Variants in GAB2 observed in about 807,000 individuals in gnomAD.
GAB2 encodes GRB2-associated-binding protein 2.
A neutral mutation model predicts 65.5 loss-of-function variants in GAB2; 26 were observed. That is an observed-to-expected ratio of 0.40 (90% CI 0.29 to 0.55). The LOEUF (loss-of-function observed/expected upper bound fraction) is 0.55. GAB2 is among the 20% of genes least tolerant of loss of function. GAB2 has a pLI of 0.53. For missense variants in GAB2, 884 were observed against 875.8 expected (o/e 1.01, Z -0.12); for synonymous variants, 321 against 329.6 (o/e 0.97, Z 0.28).
At chr11:78,383,350 T>A (rs928198821) in intron 1 of GAB2, among the ~76,000 whole-genome samples, 3 of 152,012 alleles carry the variant, frequency 2.0e-5, no homozygotes, top group African/African-American at 4.8e-5. Flanking sequence ...AATACTACCA[T>A]TTCCATGAAA....
intron 9 of GAB2, among the ~76,000 whole-genome samples, chr11:78,219,740 G>A (rs1214776787): frequency 6.6e-6 from 1 of 152,156 alleles, no homozygotes; most frequent in Non-Finnish European, 1.5e-5. Flanking sequence ...TCTCTGTCAG[G>A]TCGCTCATCC....
At chr11:78,305,225 A>G (rs1322124899) in intron 1 of GAB2, among the ~76,000 whole-genome samples, 3 of 152,222 alleles carry the variant, frequency 2.0e-5, no homozygotes, top group Non-Finnish European at 4.4e-5. Context: ...CTAAACTCAT[A>G]CATGGAAGTC....
intron 1 of GAB2, among the ~76,000 whole-genome samples, chr11:78,405,096 T>C (rs1857025192): frequency 2.1e-5 from 3 of 141,584 alleles, no homozygotes; most frequent in Admixed American, 1.4e-4. Context: ...CATGGATTTT[T>C]TTTTTTTTTT....
At chr11:78,357,877 G>A (rs1856380047) in intron 1 of GAB2, among the ~76,000 whole-genome samples, 1 of 152,230 alleles carries the variant, frequency 6.6e-6, no homozygotes, top group Admixed American at 6.5e-5. Context: ...CATTGTGGAA[G>A]ACACTGTGGC....
At chr11:78,230,765 T>A (rs747942528) in intron 3 of GAB2, among the ~76,000 whole-genome samples, 5 of 152,264 alleles carry the variant, frequency 3.3e-5, no homozygotes, top group Non-Finnish European at 5.9e-5. Context: ...GGGAATTTGT[T>A]CTAGCAGCCA....
chr11:78,407,328 G>A (rs527544258), intron 1 of GAB2, among the ~76,000 whole-genome samples: 8 of 151,828 alleles, frequency 5.3e-5, no homozygotes, highest in South Asian at 4.2e-4. Context: ...ATCATTGAAC[G>A]CATCCAGAGA....
intron 2 of GAB2, among the ~76,000 whole-genome samples, chr11:78,263,415 C>T (rs1235231885): frequency 2.0e-5 from 3 of 151,994 alleles, no homozygotes; most frequent in Admixed American, 6.6e-5. Context: ...GGGCAGATGA[C>T]GAGGTCAGGA....
chr11:78,251,155 A>G (rs1468793435), intron 2 of GAB2, among the ~76,000 whole-genome samples: 1 of 152,220 alleles, frequency 6.6e-6, no homozygotes, highest in Non-Finnish European at 1.5e-5. Flanking sequence ...ACAGGAAAAA[A>G]AAAAGCTAAG....
chr11:78,414,180 T>C (rs1238578878), intron 1 of GAB2, among the ~76,000 whole-genome samples: 4 of 151,332 alleles, frequency 2.6e-5, no homozygotes, highest in Non-Finnish European at 5.9e-5. Flanking sequence ...TACAGACAAC[T>C]ACTCCCTCAT....
intron 9 of GAB2, among the ~76,000 whole-genome samples, chr11:78,219,619 C>G (rs1014154066): frequency 6.6e-6 from 1 of 152,170 alleles, no homozygotes; most frequent in Non-Finnish European, 1.5e-5. Context: ...ATCCCTCCTG[C>G]AGGATGTAGC....
chr11:78,384,183 A>C (rs1397011265), intron 1 of GAB2, among the ~76,000 whole-genome samples: 2 of 152,244 alleles, frequency 1.3e-5, no homozygotes, highest in African/African-American at 4.8e-5. Context: ...TGTCACACAC[A>C]GGAGTAAAAC....
rs561033418 is a variant in GAB2, at chr11:78,360,905, G to A, written c.75+56741C>T. On this transcript the variant is annotated intron_variant, in intron 1 of 9. Coordinates refer to ENST00000361507, the MANE Select transcript of GAB2 (RefSeq NM_080491.3). ...CAACAACAAAAAACCCACCATATTT[G>A]TTCTAAATAAGAGAATACAATTGTA... Among the ~76,000 whole-genome samples the A allele has an allele frequency of 6.6e-5, 10 of 152,134 alleles. No individual in the cohort carries two copies. In the East Asian group the frequency reaches 1.7e-3, roughly 26 times the overall value.
At chr11:78,272,274 CAGA>C (rs1319003568) in intron 2 of GAB2, among the ~76,000 whole-genome samples, 1 of 152,078 alleles carries the variant, frequency 6.6e-6, no homozygotes, top group Non-Finnish European at 1.5e-5. Context: ...TTGCGGGGCT[CAGA>C]AGAAGACAGG....
At chr11:78,226,407 T>G in intron 4 of GAB2, 58 bp downstream of exon 4, 92 of 1,346,018 alleles carry the variant, frequency 6.8e-5, no homozygotes, top group Non-Finnish European at 8.3e-5. Context: ...ATCAAACTAT[T>G]GAGAACCCCT....
At chr11:78,253,075 A>C (rs1865501869) in intron 2 of GAB2, among the ~76,000 whole-genome samples, 1 of 133,082 alleles carries the variant, frequency 7.5e-6, no homozygotes, top group South Asian at 2.3e-4. Context: ...CAGTGGTACG[A>C]TCTCGGCTCA....
intron 1 of GAB2, among the ~76,000 whole-genome samples, chr11:78,409,441 G>A (rs919595534): frequency 5.9e-5 from 9 of 152,038 alleles, no homozygotes; most frequent in East Asian, 1.9e-4. Flanking sequence ...AAAATTAGCC[G>A]GGTGTGGTGG....
rs1301951989 is a variant in GAB2 at position 78,218,702 on chromosome 11, C to T, written c.*570G>A. 2 of 153,164 alleles carry T rather than the reference C, an allele frequency of 1.3e-5. No individual in the cohort carries two copies. The highest frequency in any genetic ancestry group is 2.9e-5 in the Non-Finnish European group (2 of 68,378). 9.5% of individuals were successfully genotyped at this position (153,164 alleles called of 1,614,324 possible). On this transcript the variant is annotated 3_prime_UTR_variant, in exon 10 of 10. Transcript: ENST00000361507. The stretch of plus-strand genomic sequence containing the variant: ...CATCTAAGTCCTTTACCCCTCAAGA[C>T]CACTGCTGAGCCTCCGTCTCCACCA...
At chr11:78,358,677 C>A (rs1443029491) in intron 1 of GAB2, among the ~76,000 whole-genome samples, 1 of 151,746 alleles carries the variant, frequency 6.6e-6, no homozygotes, top group Admixed American at 6.6e-5. Context: ...ACCTAGGCCT[C>A]AAATAGCTTC....
In GAB2 at chr11:78,366,664, T is replaced by C. The variant is rs1591068052; in HGVS notation, c.75+50982A>G. On this transcript the variant is annotated intron_variant, in intron 1 of 9. Transcript: ENST00000361507. Reference sequence around the variant, plus strand: ...GTGAGGATGGGGGGTTAATTTACCCTGCTACCAAAGAGCAGGGGTTAAGGA... The same window carrying C: ...GTGAGGATGGGGGGTTAATTTACCCCGCTACCAAAGAGCAGGGGTTAAGGA... Among the ~76,000 whole-genome samples, 10 of 147,408 alleles carry C rather than the reference T, an allele frequency of 6.8e-5. No homozygotes were observed. In the South Asian group the frequency reaches 2.1e-3, roughly 31 times the overall value.
Sources: gnomAD v4.1 joint callset for allele counts (sites outside exome capture counted in the v4.1 genomes callset) on GRCh38, gnomAD v4.1.1 for gene constraint, MANE v1.5 for transcripts, NCBI Gene and HGNC (gene_info 2026-07-23, HGNC 2026-07-21) for gene names.